Variants in PPHLN1 observed in about 807,000 individuals in gnomAD.
PPHLN1 encodes the protein periphilin 1, also known as periphilin-1.
In PPHLN1, 29 loss-of-function variants were observed where a neutral mutation model predicts 51.3. The ratio of observed to expected loss-of-function variants is 0.57; its 90% CI spans 0.42 to 0.77. The LOEUF (loss-of-function observed/expected upper bound fraction) is 0.77, where lower values mean the gene tolerates loss of function less well. Ranked by LOEUF, PPHLN1 falls within the 30% of genes least tolerant of loss-of-function variation. The probability of loss-of-function intolerance (pLI) is 0.00; values close to 1 mark genes in which losing one functional copy is unlikely to be tolerated. For synonymous variants in PPHLN1, 147 were observed against 147.8 expected (o/e 0.99, Z 0.04); for missense variants, 436 against 438.4 (o/e 0.99, Z 0.05).
intron 9 of PPHLN1, among the ~76,000 whole-genome samples, chr12:42,406,502 G>A (rs2079321857): frequency 6.6e-6 from 1 of 152,164 alleles, no homozygotes; most frequent in Non-Finnish European, 1.5e-5. Context: ...ATCTCCTTAT[G>A]GTTTTAATTT....
At chr12:42,412,461 G>A (rs780420701) in intron 9 of PPHLN1, among the ~76,000 whole-genome samples, 7 of 151,504 alleles carry the variant, frequency 4.6e-5, no homozygotes, top group African/African-American at 7.3e-5. Context: ...ATTCCGTGGT[G>A]TATATATACC....
chr12:42,397,342 T>C (rs2078331656), intron 8 of PPHLN1, among the ~76,000 whole-genome samples: 1 of 152,242 alleles, frequency 6.6e-6, no homozygotes, highest in Admixed American at 6.5e-5. Context: ...TGCCTAGTGA[T>C]ATATGTTGAA....
chr12:42,399,500 T>A, intron 9 of PPHLN1: 3 of 817,868 alleles, frequency 3.7e-6, no homozygotes, highest in Non-Finnish European at 4.4e-6. Context: ...ATTTTCATTT[T>A]ATGAGGATTA....
At chr12:42,418,107 T>A (rs1421344837) in intron 9 of PPHLN1, among the ~76,000 whole-genome samples, 1 of 151,002 alleles carries the variant, frequency 6.6e-6, no homozygotes, top group East Asian at 1.9e-4. Context: ...GCCCAGCTAA[T>A]TTTTTGTATT....
intron 2 of PPHLN1, among the ~76,000 whole-genome samples, chr12:42,344,515 A>G (rs1231735128): frequency 1.3e-5 from 2 of 152,162 alleles, no homozygotes; most frequent in East Asian, 3.8e-4. Context: ...ATGTGTTGCT[A>G]GAAGATAAAA....
intron 4 of PPHLN1, among the ~76,000 whole-genome samples, chr12:42,358,711 G>T (rs1184626856): frequency 6.6e-6 from 1 of 152,162 alleles, no homozygotes; most frequent in Non-Finnish European, 1.5e-5. Flanking sequence ...CGGCCAAATT[G>T]AATCTTTTTA....
At chr12:42,419,634 A>T (rs1380494057) in intron 9 of PPHLN1, among the ~76,000 whole-genome samples, 1 of 152,218 alleles carries the variant, frequency 6.6e-6, no homozygotes, top group African/African-American at 2.4e-5. Flanking sequence ...TAATTAAGTT[A>T]TATCTGTGTT....
chr12:42,408,428 T>C (rs1391385100), intron 9 of PPHLN1, among the ~76,000 whole-genome samples: 2 of 151,978 alleles, frequency 1.3e-5, no homozygotes, highest in Non-Finnish European at 2.9e-5. Flanking sequence ...ACAATTACTT[T>C]TGCACCAGCC....
intron 2 of PPHLN1, 52 bp downstream of exon 2, chr12:42,336,026 T>A (rs2070601614): frequency 2.4e-6 from 3 of 1,255,284 alleles, no homozygotes; most frequent in Non-Finnish European, 3.3e-6. Context: ...TCTGAATTAA[T>A]TTGATACACC....
chr12:42,412,180 G>A (rs924250982), intron 9 of PPHLN1, among the ~76,000 whole-genome samples: 1 of 152,132 alleles, frequency 6.6e-6, no homozygotes, highest in Non-Finnish European at 1.5e-5. Context: ...ACTCCAGCCT[G>A]GGCGACAGAG....
intron 7 of PPHLN1, among the ~76,000 whole-genome samples, chr12:42,388,028 C>T (rs2139071170): frequency 6.6e-6 from 1 of 152,348 alleles, no homozygotes; most frequent in East Asian, 1.9e-4. Context: ...CCGCAGGGAC[C>T]TCTGCCCTGG....
Position 42,391,584 on chromosome 12 carries a change from G to C in PPHLN1, c.649-1986G>C, listed in dbSNP as rs182391461. 2.5e-4 allele frequency among the ~76,000 whole-genome samples: 38 copies of C among 151,934 alleles called. 1 individual carries two copies. The East Asian group carries it at 7.0e-3, about 28-fold the overall frequency. On this transcript the variant is annotated intron_variant, in intron 7 of 9. Transcript: ENST00000358314. ...AGAGAGAAGTCATATAATTGTTTTT[G>C]CTCTTTAATTTTCTCTTAAATAGGT...
At chr12:42,367,937 G>C (rs1401218123) in intron 4 of PPHLN1, among the ~76,000 whole-genome samples, 2 of 152,090 alleles carry the variant, frequency 1.3e-5, no homozygotes, top group African/African-American at 2.4e-5. Flanking sequence ...GTTTCACCAT[G>C]TTGGCCAGGC....
intron 4 of PPHLN1, among the ~76,000 whole-genome samples, chr12:42,360,828 T>G (rs1349821183): frequency 6.6e-6 from 1 of 152,052 alleles, no homozygotes. Context: ...CTGCACATGT[T>G]GTTTGTGTCC....
chr12:42,402,275 A>G (rs1165406126), intron 9 of PPHLN1, among the ~76,000 whole-genome samples: 3 of 152,138 alleles, frequency 2.0e-5, no homozygotes, highest in Non-Finnish European at 2.9e-5. Flanking sequence ...TGTAAAGACA[A>G]TTTTTATTAT....
At position 42,441,643 on chromosome 12, in the gene PPHLN1, T is replaced by TTAAA. The variant is rs2082976626; in HGVS notation, c.*139_*142dup. ...TATGATAGTTGACAACATTTCAGTA[T>TTAAA]TAAATAAACATCTAAAATAGTCTGT... On this transcript the variant is annotated 3_prime_UTR_variant, in exon 10 of 10. Transcript: ENST00000358314. 7.6e-7 allele frequency: 1 copy of TTAAA among 1,315,288 alleles called. No homozygotes were observed. The highest frequency in any genetic ancestry group is 1.5e-5 in the African/African-American group (1 of 66,620). 81.5% of individuals were successfully genotyped at this position (1,315,288 alleles called of 1,614,324 possible). A position where few individuals can be genotyped will look rare whatever the true frequency, so the allele number is the denominator to read the frequency against.
chr12:42,444,197 G>T (rs554428781), downstream of PPHLN1: 1 of 151,770 alleles, frequency 6.6e-6, no homozygotes, highest in Non-Finnish European at 1.5e-5. Context: ...TAACTTCCTG[G>T]TCAATAAGAC....
chr12:42,358,426 T>A (rs2074280916), intron 4 of PPHLN1, among the ~76,000 whole-genome samples: 1 of 152,246 alleles, frequency 6.6e-6, no homozygotes, highest in South Asian at 2.1e-4. Context: ...GACAAAGTTC[T>A]GTCACCCAGG....
chr12:42,413,905 G>A (rs2080123378), intron 9 of PPHLN1, among the ~76,000 whole-genome samples: 1 of 151,920 alleles, frequency 6.6e-6, no homozygotes, highest in Non-Finnish European at 1.5e-5. Flanking sequence ...CAGGTAATGT[G>A]ATGCCTCCAG....
Sources: gnomAD v4.1 joint callset for allele counts (sites outside exome capture counted in the v4.1 genomes callset) on GRCh38, gnomAD v4.1.1 for gene constraint, MANE v1.5 for transcripts, NCBI Gene and HGNC (gene_info 2026-07-23, HGNC 2026-07-21) for gene names.